The following CYP2B6 variants were observed in gnomAD, a reference collection of about 807,000 sequenced individuals.
CYP2B6 encodes the protein cytochrome P450 family 2 subfamily B member 6.
CYP2B6 carries 35 observed loss-of-function variants against 43.4 expected under a neutral mutation model. The ratio of observed to expected loss-of-function variants is 0.81; its 90% CI spans 0.62 to 1.07. The LOEUF is 1.07. Among genes scored for constraint, CYP2B6 ranks in the 50% least tolerant of loss-of-function variants. The pLI is 0.00. For missense variants in CYP2B6, 624 were observed against 632.8 expected (o/e 0.99, Z 0.15); for synonymous variants, 239 against 239.2 (o/e 1.00, Z 0.01).
In CYP2B6 at chr19:41,001,418, A is replaced by G. The variant is rs189999481; in HGVS notation, c.172-2583A>G. On this transcript the variant is annotated intron_variant, in intron 1 of 8. Coordinates refer to ENST00000324071, the MANE Select transcript of CYP2B6 (RefSeq NM_000767.5). ...AGAGGGAGGGCATGAGCAAGTGTGC[A>G]TCAGGGCTGAGGAAGGTGGCGCTGT... 2.8e-3 allele frequency among the ~76,000 whole-genome samples: 419 copies of G among 152,220 alleles called. 3 individuals carry two copies. The highest frequency in any genetic ancestry group is 0.018 in the Admixed American group (274 of 15,280).
chr19:41,010,149 A>C lies in CYP2B6; in HGVS notation c.964+14A>C, dbSNP rs776813682. 2 of 1,612,340 alleles carry C rather than the reference A, an allele frequency of 1.2e-6. No homozygotes were observed. The highest frequency in any genetic ancestry group is 2.2e-5 in the South Asian group (2 of 91,004). Reference sequence around the variant, plus strand: ...CTCATGTTGCAGGTGGGCCAGGGACAGCCAGTCAAGGGGGTCTTCTGACCT... The same window carrying C: ...CTCATGTTGCAGGTGGGCCAGGGACCGCCAGTCAAGGGGGTCTTCTGACCT... On this transcript the variant is annotated intron_variant, in intron 6 of 8. Coordinates refer to ENST00000324071, the MANE Select transcript of CYP2B6 (RefSeq NM_000767.5).
intron 5 of CYP2B6, 77 bp from the exon 6 acceptor site, chr19:41,009,917 G>A (rs1163306184): frequency 6.9e-6 from 11 of 1,591,398 alleles, no homozygotes; most frequent in Non-Finnish European, 8.6e-7. Flanking sequence ...ACGGAGGGCA[G>A]CCAGGGAGAT....
Position 41,017,020 on chromosome 19 carries a change from TA to T in CYP2B6, c.*195del, listed in dbSNP as rs1449818972. 1.2e-5 allele frequency: 7 copies of T among 561,240 alleles called. No homozygotes were observed. Among genetic ancestry groups the T allele is most frequent in the Admixed American group, 9.1e-5 (3 of 32,796 alleles). The allele number at this position is 561,240 out of a possible 1,614,324, so 34.8% of individuals were successfully genotyped here. ...GCAGGAGTGAGATTATCGAAAATTA[TA>T]ATATACAAAATCATATATATATATA... On this transcript the variant is annotated 3_prime_UTR_variant, in exon 9 of 9. Coordinates refer to ENST00000324071, the MANE Select transcript of CYP2B6 (RefSeq NM_000767.5).
Position 41,017,712 on chromosome 19 carries a change from C to A in CYP2B6, c.*885C>A, listed in dbSNP as rs939636195. ...AGCTCCAAATGTTTTCATTATCTCT[C>A]CCCCAACAAAACCCATACCTATCAA... On this transcript the variant is annotated 3_prime_UTR_variant, in exon 9 of 9. Coordinates refer to ENST00000324071, the MANE Select transcript of CYP2B6 (RefSeq NM_000767.5). 18 of 152,092 alleles carry A rather than the reference C, an allele frequency of 1.2e-4. No individual in the cohort carries two copies. The highest frequency in any genetic ancestry group is 4.3e-4 in the African/African-American group (18 of 41,396). 9.4% of individuals were successfully genotyped at this position (152,092 alleles called of 1,614,324 possible).
chr19:41,002,836 C>T (rs1969116641), intron 1 of CYP2B6, among the ~76,000 whole-genome samples: 1 of 152,086 alleles, frequency 6.6e-6, no homozygotes, highest in Admixed American at 6.6e-5. Context: ...TGTGAGTCAC[C>T]ACGCCTGGCC....
chr19:41,004,168 G>A lies in CYP2B6; in HGVS notation c.334+5G>A. 1 of 1,400,342 alleles carries A rather than the reference G, an allele frequency of 7.1e-7. No homozygotes were observed. Among genetic ancestry groups the A allele is most frequent in the East Asian group, 3.2e-5 (1 of 30,934 alleles). 86.7% of individuals were successfully genotyped at this position (1,400,342 alleles called of 1,614,324 possible). On this transcript the variant is annotated splice_donor_5th_base_variant and intron_variant, in intron 2 of 8. Transcript: ENST00000324071. ...ACCCATTCTTCCGGGGATATGGTGA[G>A]AGCCTCAGAGGCACTGGGAGGGGGC... is the stretch of plus-strand genomic sequence containing the variant.
Position 41,016,727 on chromosome 19 carries a change from T to C in CYP2B6, c.1376T>C (p.Met459Thr), listed in dbSNP as rs201028567. The change falls in exon 9 of 9, where the codon ATG becomes ACG. Residue 459 changes from methionine to threonine, a missense_variant. By Grantham distance (81) the Met-to-Thr change is moderately conservative. Transcript: ENST00000324071. ...ACCACCATCCTCCAGAACTTCTCCA[T>C]GGCCAGCCCCGTGGCCCCAGAAGAC... is the stretch of plus-strand genomic sequence containing the variant. ...FFTTILQNFS[M>T]ASPVAPEDID... 52 of 1,614,224 alleles carry C rather than the reference T, an allele frequency of 3.2e-5. No individual in the cohort carries two copies. Among genetic ancestry groups the C allele is most frequent in the African/African-American group, 1.9e-4 (14 of 75,068 alleles).
At position 40,996,260 on chromosome 19, in the gene CYP2B6, A is replaced by G. The variant is rs181115812; in HGVS notation, c.171+4784A>G. ...AGAGGATTTTAAAATTTATATTACT[A>G]CTACTATTAGGTTATAGTTGATTTC... On this transcript the variant is annotated intron_variant, in intron 1 of 8. Coordinates refer to ENST00000324071, the MANE Select transcript of CYP2B6 (RefSeq NM_000767.5). Among the ~76,000 whole-genome samples, 22 of 152,252 alleles carry G rather than the reference A, an allele frequency of 1.4e-4. 2 individuals are homozygous for G. Among genetic ancestry groups the G allele is most frequent in the African/African-American group, 5.1e-4 (21 of 41,518 alleles).
chr19:40,993,115 T>C (rs1247024121), intron 1 of CYP2B6, among the ~76,000 whole-genome samples: 3 of 152,148 alleles, frequency 2.0e-5, no homozygotes, highest in Admixed American at 6.5e-5. Flanking sequence ...GGCATGATGG[T>C]AATTAAGGAC....
intron 8 of CYP2B6, among the ~76,000 whole-genome samples, chr19:41,016,049 G>A (rs189333959): frequency 2.1e-3 from 311 of 151,014 alleles, no homozygotes; most frequent in African/African-American, 7.4e-3. Context: ...ATTATACTCT[G>A]TGGGTTTCAC....
At chr19:41,014,673 A>G (rs1037355660) in intron 8 of CYP2B6, among the ~76,000 whole-genome samples, 59 of 152,122 alleles carry the variant, frequency 3.9e-4, no homozygotes, top group African/African-American at 1.4e-3. Context: ...TAACAAAGAT[A>G]ATGAGACTGA....
chr19:40,995,177 C>A (rs1007560918), intron 1 of CYP2B6, among the ~76,000 whole-genome samples: 18 of 152,142 alleles, frequency 1.2e-4, no homozygotes, highest in Non-Finnish European at 2.5e-4. Context: ...ATAATGCTTT[C>A]ATGATGGAAG....
chr19:41,005,235 T>C (rs1017533617), intron 3 of CYP2B6, among the ~76,000 whole-genome samples: 2 of 152,026 alleles, frequency 1.3e-5, no homozygotes, highest in African/African-American at 4.8e-5. Context: ...TATTTTTGAG[T>C]TCTCCATAAC....
At position 41,006,980 on chromosome 19, in the gene CYP2B6, G is replaced by A. The variant is rs141530852; in HGVS notation, c.560G>A (p.Arg187Gln). 4 of 1,613,876 alleles carry A rather than the reference G, an allele frequency of 2.5e-6. No individual in the cohort carries two copies. Among genetic ancestry groups the A allele is most frequent in the African/African-American group, 2.7e-5 (2 of 74,808 alleles). The stretch of plus-strand genomic sequence containing the variant: ...ATCTGCTCCATCGTCTTTGGAAAAC[G>A]ATTCCACTACCAAGATCAAGAGTTC... ...NIICSIVFGK[R>Q]FHYQDQEFLK... The change falls in exon 4 of 9, where the codon CGA becomes CAA. Residue 187 changes from arginine to glutamine, a missense_variant. Transcript: ENST00000324071.
rs35976149 is a variant in CYP2B6, at chr19:41,004,203, G to A, written c.334+40G>A. 56 of 1,551,802 alleles carry A rather than the reference G, an allele frequency of 3.6e-5. 1 individual carries two copies. In the Admixed American group the frequency reaches 9.3e-4, roughly 26 times the overall value. ...GGCACTGGGAGGGGGCGGGTGGGGGGTGCATCAGGGAAGGGAGTATATGGG... is the reference window on the plus strand; with the variant it reads ...GGCACTGGGAGGGGGCGGGTGGGGGATGCATCAGGGAAGGGAGTATATGGG... On this transcript the variant is annotated intron_variant, in intron 2 of 8. Coordinates refer to ENST00000324071, the MANE Select transcript of CYP2B6 (RefSeq NM_000767.5).
Position 41,004,352 on chromosome 19 carries a change from C to T in CYP2B6, c.390C>T (p.Thr130=), listed in dbSNP as rs572503795. 2 of 1,613,936 alleles carry T rather than the reference C, an allele frequency of 1.2e-6. No homozygotes were observed. The highest frequency in any genetic ancestry group is 1.3e-5 in the African/African-American group (1 of 74,918). ...AGGTGCTTCGGCGATTCTCTGTGAC[C>T]ACTATGAGGGACTTCGGGATGGGAA... is the stretch of plus-strand genomic sequence containing the variant. ...RWKVLRRFSV[T]TMRDFGMGKR... The change falls in exon 3 of 9, where the codon ACC becomes ACT. Residue 130 remains threonine, a synonymous_variant. Transcript: ENST00000324071.
intron 4 of CYP2B6, among the ~76,000 whole-genome samples, 185 bp from the exon 5 acceptor site, chr19:41,009,034 A>T (rs1969237048): frequency 6.7e-6 from 1 of 149,624 alleles, no homozygotes; most frequent in Non-Finnish European, 1.5e-5. Flanking sequence ...AGGGAGGAAG[A>T]TGCAGAAAGA....
At chr19:41,012,535 C>A (rs747268130) in intron 7 of CYP2B6, 50 bp downstream of exon 7, 3 of 1,610,716 alleles carry the variant, frequency 1.9e-6, no homozygotes, top group African/African-American at 2.7e-5. Flanking sequence ...ATCCTGGATT[C>A]TCTTAATCCC....
rs139818840 is a variant in CYP2B6 at position 41,017,033 on chromosome 19, CAT to C, written c.*219_*220del. ...TATCGAAAATTATAATATACAAAAT[CAT>C]ATATATATATATGTTCTTGTTTTTT... On this transcript the variant is annotated 3_prime_UTR_variant, in exon 9 of 9. Coordinates refer to ENST00000324071, the MANE Select transcript of CYP2B6 (RefSeq NM_000767.5). 3.6e-3 allele frequency: 1,721 copies of C among 481,654 alleles called. No homozygotes were observed. Among genetic ancestry groups the C allele is most frequent in the Middle Eastern group, 7.5e-3 (13 of 1,732 alleles). 29.8% of individuals were successfully genotyped at this position (481,654 alleles called of 1,614,324 possible).
Sources: gnomAD v4.1 joint callset for allele counts (sites outside exome capture counted in the v4.1 genomes callset) on GRCh38, gnomAD v4.1.1 for gene constraint, MANE v1.5 for transcripts, NCBI Gene and HGNC (gene_info 2026-07-23, HGNC 2026-07-21) for gene names.